Variants in RAI14 observed in about 807,000 individuals in gnomAD.
RAI14 encodes ankycorbin.
A neutral mutation model predicts 115.4 loss-of-function variants in RAI14; 45 were observed. That is an observed-to-expected ratio of 0.39 (90% CI 0.31 to 0.50). RAI14 has a LOEUF of 0.50. Ranked by LOEUF, RAI14 falls within the 20% of genes least tolerant of loss-of-function variation. The pLI, the probability that RAI14 is intolerant of heterozygous loss-of-function variation, is 0.85. For synonymous variants in RAI14, 371 were observed against 415.4 expected (o/e 0.89, Z 1.30); for missense variants, 939 against 1,131.2 (o/e 0.83, Z 2.44).
intron 2 of RAI14, among the ~76,000 whole-genome samples, chr5:34,744,777 G>A (rs1309683177): frequency 1.3e-5 from 2 of 152,200 alleles, no homozygotes; most frequent in Non-Finnish European, 2.9e-5. Flanking sequence ...ACCACAAACT[G>A]GGTGGCTTAA....
chr5:34,803,646 A>C (rs1754540298), intron 4 of RAI14, 66 bp from the exon 5 acceptor site: 1 of 1,332,686 alleles, frequency 7.5e-7, no homozygotes, highest in Admixed American at 2.1e-5. Context: ...CTCATATATA[A>C]GAAAGAGATT....
chr5:34,794,753 C>A (rs1753308579), intron 3 of RAI14, among the ~76,000 whole-genome samples: 1 of 152,144 alleles, frequency 6.6e-6, no homozygotes, highest in South Asian at 2.1e-4. Flanking sequence ...CTGAAGTATT[C>A]CTATTTGTTG....
intron 1 of RAI14, among the ~76,000 whole-genome samples, chr5:34,671,589 C>G (rs1473434591): frequency 6.6e-6 from 1 of 151,736 alleles, no homozygotes. Context: ...AAGCAAACCA[C>G]TAATACAGGC....
chr5:34,799,539 CA>C (rs779401243), intron 4 of RAI14, among the ~76,000 whole-genome samples: 2 of 57,212 alleles, frequency 3.5e-5, no homozygotes, highest in African/African-American at 9.0e-5. Context: ...CACACACACA[CA>C]AAACCACCTT....
chr5:34,707,191 G>T (rs1363945299), intron 2 of RAI14, among the ~76,000 whole-genome samples: 1 of 152,218 alleles, frequency 6.6e-6, no homozygotes, highest in African/African-American at 2.4e-5. Context: ...TCTTGGCTGG[G>T]CACGGTGGCT....
intron 1 of RAI14, among the ~76,000 whole-genome samples, chr5:34,679,304 C>T (rs555681625): frequency 9.2e-5 from 14 of 152,316 alleles, no homozygotes; most frequent in East Asian, 7.7e-4. Flanking sequence ...GTGTTTCCAG[C>T]GTAACCGTAG....
intron 17 of RAI14, among the ~76,000 whole-genome samples, chr5:34,830,236 G>A (rs959082163): frequency 2.6e-5 from 4 of 152,078 alleles, no homozygotes; most frequent in African/African-American, 7.2e-5. Context: ...CACCCGCTTC[G>A]GCCTCCCAAA....
In RAI14 at chr5:34,708,149, C is replaced by T. The variant is rs116617021; in HGVS notation, c.36+21194C>T. Among the ~76,000 whole-genome samples, 1,420 of 151,536 alleles carry T rather than the reference C, an allele frequency of 9.4e-3. 6 individuals carry two copies. The highest frequency in any genetic ancestry group is 0.016 in the Non-Finnish European group (1,113 of 67,922). On this transcript the variant is annotated intron_variant, in intron 2 of 17. Coordinates refer to ENST00000265109, the MANE Select transcript of RAI14 (RefSeq NM_015577.3). ...AAATATAAAGATATAATTTAATATA[C>T]TCTTTAGAACCACATTTGAAATAAT... is the stretch of plus-strand genomic sequence containing the variant.
chr5:34,749,292 G>A (rs1240333395), intron 2 of RAI14, among the ~76,000 whole-genome samples: 2 of 152,180 alleles, frequency 1.3e-5, no homozygotes, highest in Non-Finnish European at 2.9e-5. Context: ...GATGGTTAGG[G>A]TTTTGGCATC....
At chr5:34,779,856 T>C (rs1751381735) in intron 3 of RAI14, among the ~76,000 whole-genome samples, 1 of 152,084 alleles carries the variant, frequency 6.6e-6, no homozygotes, top group Admixed American at 6.5e-5. Context: ...CTTCACAGAA[T>C]TGGAAAAAAA....
chr5:34,761,023 CATA>C (rs1267746547), intron 3 of RAI14, among the ~76,000 whole-genome samples: 1 of 152,202 alleles, frequency 6.6e-6, no homozygotes, highest in Non-Finnish European at 1.5e-5. Context: ...TTTCACTTAG[CATA>C]ATGTTTTCAA....
At chr5:34,741,708 G>C (rs1186564224) in intron 2 of RAI14, among the ~76,000 whole-genome samples, 1 of 152,192 alleles carries the variant, frequency 6.6e-6, no homozygotes, top group Non-Finnish European at 1.5e-5. Flanking sequence ...GGGCATGGAA[G>C]AGTGTGGGAT....
intron 2 of RAI14, 163 bp from the exon 3 acceptor site, chr5:34,757,305 T>C: frequency 1.3e-6 from 1 of 781,836 alleles, no homozygotes; most frequent in South Asian, 1.4e-5. Context: ...CCTTCTTGGG[T>C]GTCTCCATGG....
intron 3 of RAI14, among the ~76,000 whole-genome samples, chr5:34,767,591 G>A (rs74712032): frequency 1.5e-4 from 18 of 116,834 alleles, no homozygotes; most frequent in Admixed American, 8.0e-4. Flanking sequence ...CACCGCCACC[G>A]CCCCCACCAC....
intron 5 of RAI14, among the ~76,000 whole-genome samples, chr5:34,806,963 A>C (rs1224157274): frequency 6.6e-6 from 1 of 152,176 alleles, no homozygotes; most frequent in East Asian, 1.9e-4. Flanking sequence ...CCGTTTCTTC[A>C]TCTGAAAGTG....
chr5:34,802,678 A>C (rs546349760), intron 4 of RAI14, among the ~76,000 whole-genome samples: 7 of 152,294 alleles, frequency 4.6e-5, no homozygotes, highest in Admixed American at 2.0e-4. Flanking sequence ...TCATGGGGGA[A>C]AAATAATTAA....
intron 2 of RAI14, among the ~76,000 whole-genome samples, chr5:34,693,404 G>C (rs1738868247): frequency 6.6e-6 from 1 of 152,152 alleles, no homozygotes; most frequent in East Asian, 1.9e-4. Context: ...GTTTTTCAGT[G>C]GGTGCCACTG....
At chr5:34,758,944 T>C (rs758219063) in intron 3 of RAI14, among the ~76,000 whole-genome samples, 4 of 152,198 alleles carry the variant, frequency 2.6e-5, no homozygotes, top group African/African-American at 9.6e-5. Flanking sequence ...CTGGGGTATC[T>C]GTCCCTTATC....
chr5:34,733,160 T>C (rs1744411581), intron 2 of RAI14: 1 of 152,176 alleles, frequency 6.6e-6, no homozygotes, highest in African/African-American at 2.4e-5. Flanking sequence ...CCATGAGAAA[T>C]CTGAGGCACA....
Sources: allele counts gnomAD v4.1 joint callset (sites outside exome capture counted in the v4.1 genomes callset), GRCh38; gene constraint gnomAD v4.1.1; transcripts MANE v1.5; gene names NCBI Gene and HGNC (gene_info 2026-07-23, HGNC 2026-07-21).